The following LRRD1 variants were observed in gnomAD, a reference collection of about 807,000 sequenced individuals.
The protein encoded by LRRD1 is leucine-rich repeat and death domain-containing protein 1.
In LRRD1, 49 loss-of-function variants were observed where a neutral mutation model predicts 69.5. The observed-to-expected ratio is 0.70, with a 90% CI of 0.56 to 0.89. The LOEUF is 0.89. Among genes scored for constraint, LRRD1 ranks in the 40% least tolerant of loss-of-function variants. The pLI is 0.00. For synonymous variants in LRRD1, 303 were observed against 338.9 expected (o/e 0.89, Z 1.16); for missense variants, 853 against 956.0 (o/e 0.89, Z 1.42).
At chr7:92,171,768 C>T (rs745489721) in intron 1 of LRRD1, among the ~76,000 whole-genome samples, 25 of 152,092 alleles carry the variant, frequency 1.6e-4, no homozygotes, top group Admixed American at 7.9e-4. Context: ...AAATCCTCAA[C>T]GAAATACTAG....
intron 3 of LRRD1, among the ~76,000 whole-genome samples, chr7:92,151,620 T>C (rs1408538469): frequency 6.6e-6 from 1 of 152,206 alleles, no homozygotes; most frequent in African/African-American, 2.4e-5. Context: ...CCTTCCTAAA[T>C]GTAATTTTTT....
At chr7:92,151,991 T>C (rs1288445486) in intron 3 of LRRD1, among the ~76,000 whole-genome samples, 1 of 150,476 alleles carries the variant, frequency 6.6e-6, no homozygotes, top group African/African-American at 2.4e-5. Context: ...AAAAATGAAT[T>C]TGTAGTCATT....
At position 92,164,847 on chromosome 7, in the gene LRRD1, T is replaced by C. The variant is rs1479818509; in HGVS notation, c.356A>G (p.His119Arg). The C allele has an allele frequency of 6.5e-7, 1 of 1,548,788 alleles. No homozygotes were observed. Among genetic ancestry groups the C allele is most frequent in the Middle Eastern group, 1.7e-4 (1 of 5,980 alleles). ...EYQALVNFLSHETVGEVSPQV... is the reference protein window; with the variant it reads ...EYQALVNFLSRETVGEVSPQV... Reference sequence around the variant, plus strand: ...TGGACTAACTTCTCCTACTGTTTCATGAGATAGGAAGTTAACCAAAGCCTG... The same window carrying C: ...TGGACTAACTTCTCCTACTGTTTCACGAGATAGGAAGTTAACCAAAGCCTG... Residue 119 changes from histidine (H) to arginine (R), a missense_variant, in exon 2 of 6, where the codon CAT becomes CGT. His to Arg is a conservative substitution (Grantham distance 29, BLOSUM62 0). Transcript: ENST00000458448.
intron 1 of LRRD1, among the ~76,000 whole-genome samples, chr7:92,172,190 T>C (rs1789071651): frequency 6.6e-6 from 1 of 152,140 alleles, no homozygotes; most frequent in South Asian, 2.1e-4. Context: ...CAAAGGAACA[T>C]ACCTCAAAAT....
At chr7:92,177,092 A>T (rs1448661817) in intron 1 of LRRD1, among the ~76,000 whole-genome samples, 1 of 150,266 alleles carries the variant, frequency 6.7e-6, no homozygotes, top group East Asian at 1.9e-4. Flanking sequence ...CATGGTAATG[A>T]ATATTAATAC....
intron 4 of LRRD1, among the ~76,000 whole-genome samples, chr7:92,147,256 T>TG (rs1389282390): frequency 2.0e-5 from 3 of 151,994 alleles, no homozygotes; most frequent in African/African-American, 7.2e-5. Context: ...TTAATCGAGA[T>TG]GGGGTTTCTC....
At chr7:92,141,926 A>G (rs1406864544), downstream of LRRD1, 1 of 152,328 alleles carries the variant, frequency 6.6e-6, no homozygotes. Context: ...AAGGTAACAA[A>G]AACTGCACTA....
chr7:92,144,806 AAAGTG>A (rs1366843062), downstream of LRRD1: 2 of 781,458 alleles, frequency 2.6e-6, no homozygotes, highest in African/African-American at 3.5e-5. Context: ...CTTGTATGAT[AAAGTG>A]AAGTGAAATG....
At chr7:92,174,486 TATATATATATATATATA>T in intron 1 of LRRD1, among the ~76,000 whole-genome samples, 1 of 16,304 alleles carries the variant, frequency 6.1e-5, no homozygotes, top group Non-Finnish European at 1.5e-4. Flanking sequence ...TATATATATA[TATATATATATATATATA>T]TATATATTTT....
rs71528038 is a variant in LRRD1, at chr7:92,152,140, A to AGTGTGTGTGTGTGTGTGTGT, written c.2117-1465_2117-1446dup. On this transcript the variant is annotated intron_variant, in intron 3 of 5. Transcript: ENST00000458448. ...AAGATCTGGATACGATGCTTCTGGG[A>AGTGTGTGTGTGTGTGTGTGT]GTGTGTGTGTGTGTGTGTGTGTGTG... Among the ~76,000 whole-genome samples, 103 of 142,850 alleles carry AGTGTGTGTGTGTGTGTGTGT rather than the reference A, an allele frequency of 7.2e-4. 1 individual carries two copies. Among genetic ancestry groups the AGTGTGTGTGTGTGTGTGTGT allele is most frequent in the East Asian group, 5.8e-3 (29 of 5,008 alleles). The allele number at this position is 142,850 out of a possible 152,430, so 93.7% of individuals were successfully genotyped here.
intron 1 of LRRD1, among the ~76,000 whole-genome samples, chr7:92,165,847 G>A (rs201254899): frequency 7.1e-5 from 9 of 126,192 alleles, no homozygotes; most frequent in South Asian, 2.7e-4. Flanking sequence ...GGCAACAAGA[G>A]TGAAACTCCA....
At chr7:92,155,931 T>C (rs1057346171) in intron 3 of LRRD1, among the ~76,000 whole-genome samples, 1 of 152,212 alleles carries the variant, frequency 6.6e-6, no homozygotes, top group African/African-American at 2.4e-5. Flanking sequence ...TTCCACGTAC[T>C]TCTGCCTGCT....
intron 4 of LRRD1, among the ~76,000 whole-genome samples, chr7:92,147,962 G>T (rs975861021): frequency 1.8e-4 from 27 of 152,056 alleles, no homozygotes; most frequent in African/African-American, 6.3e-4. Flanking sequence ...TGTCACCCAG[G>T]CTAGAGTACA....
chr7:92,143,430 G>A (rs541680749), downstream of LRRD1, among the ~76,000 whole-genome samples: 2 of 152,170 alleles, frequency 1.3e-5, no homozygotes, highest in East Asian at 1.9e-4. Flanking sequence ...GGCGGCACTC[G>A]TCGGGGAGGC....
intron 4 of LRRD1, among the ~76,000 whole-genome samples, chr7:92,148,302 G>T (rs1477852033): frequency 6.6e-6 from 1 of 151,924 alleles, no homozygotes; most frequent in African/African-American, 2.4e-5. Flanking sequence ...GAACTCCTGG[G>T]CTCAAGCAAT....
At chr7:92,163,161 TA>T in intron 2 of LRRD1, 124 bp downstream of exon 2, 2 of 582,670 alleles carry the variant, frequency 3.4e-6, no homozygotes, top group Non-Finnish European at 5.3e-6. Flanking sequence ...GGCTTTCATT[TA>T]AAAAACAAAA....
intron 1 of LRRD1, among the ~76,000 whole-genome samples, chr7:92,173,483 C>T (rs901871632): frequency 2.0e-5 from 3 of 151,976 alleles, no homozygotes; most frequent in African/African-American, 7.3e-5. Flanking sequence ...GTAAGGAGCT[C>T]AAACAACTTA....
At chr7:92,152,140 AGTGTGT>A (rs71528038) in intron 3 of LRRD1, among the ~76,000 whole-genome samples, 11 of 142,832 alleles carry the variant, frequency 7.7e-5, no homozygotes, top group South Asian at 2.2e-4. Flanking sequence ...TGCTTCTGGG[AGTGTGT>A]GTGTGTGTGT....
In LRRD1 at chr7:92,163,522, G is replaced by A; in HGVS notation, c.1681C>T (p.Leu561Phe). The A allele has an allele frequency of 6.5e-7, 1 of 1,527,966 alleles. No homozygotes were observed. 94.7% of individuals were successfully genotyped at this position (1,527,966 alleles called of 1,614,324 possible). ...TCAAATTTATTACAGCATAAAATAAGTACGTGGAGTGATATCATATTAGAA... is the reference window on the plus strand; with the variant it reads ...TCAAATTTATTACAGCATAAAATAAATACGTGGAGTGATATCATATTAGAA... ...SISNMISLHV[L>F]ILCCNKFETF... Residue 561 changes from leucine to phenylalanine, a missense_variant, in exon 2 of 6, where the codon CTT (leucine) becomes TTT (phenylalanine). By Grantham distance (22) the Leu-to-Phe change is conservative. Coordinates refer to ENST00000458448, the MANE Select transcript of LRRD1 (RefSeq NM_001161528.2).
Sources: gnomAD v4.1 joint callset for allele counts (sites outside exome capture counted in the v4.1 genomes callset) on GRCh38, gnomAD v4.1.1 for gene constraint, MANE v1.5 for transcripts, NCBI Gene and HGNC (gene_info 2026-07-23, HGNC 2026-07-21) for gene names.